Variants in CEP152 observed in about 807,000 individuals in gnomAD.
CEP152 encodes centrosomal protein of 152 kDa.
In CEP152, 132 loss-of-function variants were observed where a neutral mutation model predicts 188.9. The ratio of observed to expected loss-of-function variants is 0.70; its 90% CI spans 0.61 to 0.81. The LOEUF is 0.81. Ranked by LOEUF, CEP152 falls within the 30% of genes least tolerant of loss-of-function variation. CEP152 has a pLI of 0.00. For missense variants in CEP152, 1,914 were observed against 1,969.8 expected, an observed-to-expected ratio of 0.97 and a Z score of 0.54; for synonymous variants, 649 against 666.6, an observed-to-expected ratio of 0.97 and a Z score of 0.41.
At chr15:48,800,929 C>T (rs1012987187) in intron 2 of CEP152, among the ~76,000 whole-genome samples, 2 of 152,248 alleles carry the variant, frequency 1.3e-5, no homozygotes, top group South Asian at 2.1e-4. Flanking sequence ...GTAGAACATA[C>T]AAAAGCCTAC....
At position 48,793,413 on chromosome 15, in the gene CEP152, G is replaced by A; in HGVS notation, c.740C>T (p.Ala247Val). ...TAAGTTCTCCAGTTGTCTCTCTTTT[G>A]CTTTGTTAAGAACCTGAAGTTGAAT... is the stretch of plus-strand genomic sequence containing the variant. ...QIIQLQVLNK[A>V]KERQLENLIE... The change falls in exon 7 of 27, where the codon GCA becomes GTA. Residue 247 changes from alanine (A) to valine (V), a missense_variant. Transcript: ENST00000380950. The A allele has an allele frequency of 2.5e-6, 4 of 1,613,790 alleles. No homozygotes were observed. Among genetic ancestry groups the A allele is most frequent in the Non-Finnish European group, 3.4e-6 (4 of 1,179,864 alleles).
chr15:48,741,910 T>C (rs769642330), intron 25 of CEP152, 37 bp downstream of exon 25: 4 of 1,614,076 alleles, frequency 2.5e-6, no homozygotes, highest in African/African-American at 2.7e-5. Flanking sequence ...CATGTTGTCC[T>C]GGTAATCTCA....
chr15:48,730,795 A>G (rs1446328328), intron 2 of CEP152, among the ~76,000 whole-genome samples: 1 of 152,246 alleles, frequency 6.6e-6, no homozygotes, highest in African/African-American at 2.4e-5. Flanking sequence ...GGCACACACC[A>G]TAGAGGATTT....
At chr15:48,753,076 T>C (rs1417143404) in intron 20 of CEP152, among the ~76,000 whole-genome samples, 2 of 152,210 alleles carry the variant, frequency 1.3e-5, no homozygotes, top group Admixed American at 6.5e-5. Context: ...CTAATATTTA[T>C]TGAACGTTTT....
Position 48,742,015 on chromosome 15 carries a change from G to A in CEP152, c.3921C>T (p.Thr1307=), listed in dbSNP as rs777663214. The A allele has an allele frequency of 4.2e-5, 67 of 1,613,934 alleles. No individual in the cohort carries two copies. In the Middle Eastern group the frequency reaches 8.2e-4, roughly 20 times the overall value. The part of the protein sequence containing the change: ...KAEVLRERQE[T]ARKMRKYYLI... Reference sequence around the variant, plus strand: ...AATAATATTTGCGCATCTTTCGGGCGGTTTCTTGACGTTCTCGCAGTACCT... The same window carrying A: ...AATAATATTTGCGCATCTTTCGGGCAGTTTCTTGACGTTCTCGCAGTACCT... Residue 1307 remains threonine (T), a synonymous_variant, in exon 25 of 27, where the codon ACC becomes ACT. Coordinates refer to ENST00000380950, the MANE Select transcript of CEP152 (RefSeq NM_001194998.2).
At position 48,748,570 on chromosome 15, in the gene CEP152, T is replaced by G; in HGVS notation, c.3507A>C (p.Gly1169=). 2 of 1,529,410 alleles carry G rather than the reference T, an allele frequency of 1.3e-6. No individual in the cohort carries two copies. Among genetic ancestry groups the G allele is most frequent in the Non-Finnish European group, 8.7e-7 (1 of 1,144,094 alleles). 94.7% of individuals were successfully genotyped at this position (1,529,410 alleles called of 1,614,324 possible). A position where few individuals can be genotyped will look rare whatever the true frequency, so the allele number is the denominator to read the frequency against. ...CCTTTTCAAGTTCTTGGAAGCAGTG[T>G]CCACAGCATAAATCCTTAATTTCAA... The part of the protein sequence containing the change: ...KVLEIKDLCC[G]HCFQELEKAK... The change falls in exon 22 of 27, where the codon GGA becomes GGC. Residue 1169 remains glycine, a synonymous_variant. Transcript: ENST00000380950.
At chr15:48,740,879 A>G (rs1483970285) in intron 26 of CEP152, 1 of 236,860 alleles carries the variant, frequency 4.2e-6, no homozygotes, top group Admixed American at 6.5e-5. Context: ...GGGGAGAAGA[A>G]GAAATAAAGA....
rs1012264544 is a variant in CEP152, at chr15:48,765,779, G to A, written c.2280+1281C>T. The A allele has an allele frequency of 3.0e-5, 10 of 333,752 alleles. No individual in the cohort carries two copies. The Admixed American group carries it at 4.3e-4, about 14-fold the overall frequency. The allele number at this position is 333,752 out of a possible 1,614,324, so 20.7% of individuals were successfully genotyped here. ...CGCCATTCTCCTGCCTCAGCCTCCCGTGTAGCTGGGACTACAGGCGCGCAC... is the reference window on the plus strand; with the variant it reads ...CGCCATTCTCCTGCCTCAGCCTCCCATGTAGCTGGGACTACAGGCGCGCAC... On this transcript the variant is annotated intron_variant, in intron 17 of 26. Coordinates refer to ENST00000380950, the MANE Select transcript of CEP152 (RefSeq NM_001194998.2).
At chr15:48,791,663 C>T (rs1012500001) in intron 7 of CEP152, among the ~76,000 whole-genome samples, 2 of 151,868 alleles carry the variant, frequency 1.3e-5, no homozygotes, top group Non-Finnish European at 2.9e-5. Context: ...ATTACAGGCA[C>T]CTGCCACCAC....
At chr15:48,794,594 A>T (rs536880710) in intron 6 of CEP152, among the ~76,000 whole-genome samples, 1 of 152,350 alleles carries the variant, frequency 6.6e-6, no homozygotes, top group East Asian at 1.9e-4. Context: ...TAACTTCCAA[A>T]TGTCAAATTT....
At chr15:48,733,163 G>A (rs541500181), downstream of CEP152, among the ~76,000 whole-genome samples, 1 of 152,234 alleles carries the variant, frequency 6.6e-6, no homozygotes, top group East Asian at 1.9e-4. Flanking sequence ...GGTAACTATA[G>A]TTAACAATAA....
At position 48,756,314 on chromosome 15, in the gene CEP152, A is replaced by G; in HGVS notation, c.2934T>C (p.Asp978=). Residue 978 remains aspartate (D), a synonymous_variant, in exon 20 of 27, where the codon GAT becomes GAC. Coordinates refer to ENST00000380950, the MANE Select transcript of CEP152 (RefSeq NM_001194998.2). ...IHRIQEQNEQ[D]YRQFLDDHRN... ...GGTGATCATCTAAAAATTGCCGGTAATCTTGCTCATTTTGTTCTTGGATTC... is the reference window on the plus strand; with the variant it reads ...GGTGATCATCTAAAAATTGCCGGTAGTCTTGCTCATTTTGTTCTTGGATTC... The G allele has an allele frequency of 6.3e-7, 1 of 1,575,500 alleles. No homozygotes were observed. Among genetic ancestry groups the G allele is most frequent in the Non-Finnish European group, 8.6e-7 (1 of 1,164,068 alleles).
Position 48,767,056 on chromosome 15 carries a change from G to A in CEP152, c.2280+4C>T. 1 of 1,612,394 alleles carries A rather than the reference G, an allele frequency of 6.2e-7. No homozygotes were observed. Among genetic ancestry groups the A allele is most frequent in the Non-Finnish European group, 8.5e-7 (1 of 1,179,968 alleles). ...TGTCGATACAACATAAACTTGTACT[G>A]TACCTTCTCCTGAGTCTGTTGCTCC... On this transcript the variant is annotated splice_donor_region_variant and intron_variant, in intron 17 of 26. Transcript: ENST00000380950.
At chr15:48,762,824 T>C (rs1894788316) in intron 17 of CEP152, 152 bp from the exon 18 acceptor site, 1 of 752,738 alleles carries the variant, frequency 1.3e-6, no homozygotes, top group Admixed American at 2.8e-5. Flanking sequence ...ATTTAGTCAA[T>C]TAAAATACAC....
At chr15:48,789,177 A>C (rs1009735437) in intron 8 of CEP152, 176 bp from the exon 9 acceptor site, 1 of 643,032 alleles carries the variant, frequency 1.6e-6, no homozygotes, top group Non-Finnish European at 2.7e-6. Context: ...CCTAGCTGGG[A>C]CCCTCCAGGC....
chr15:48,769,334 G>T (rs1895366222), intron 13 of CEP152, among the ~76,000 whole-genome samples: 1 of 152,152 alleles, frequency 6.6e-6, no homozygotes, highest in South Asian at 2.1e-4. Context: ...TCTGGTCCAA[G>T]ATCAAATCCA....
intron 8 of CEP152, among the ~76,000 whole-genome samples, chr15:48,789,844 C>G (rs1386350712): frequency 6.6e-6 from 1 of 152,176 alleles, no homozygotes. Context: ...TGTTGACACC[C>G]TGATTTTAGC....
chr15:48,784,391 C>T (rs1165849152), intron 9 of CEP152, among the ~76,000 whole-genome samples: 1 of 152,112 alleles, frequency 6.6e-6, no homozygotes, highest in Non-Finnish European at 1.5e-5. Flanking sequence ...ATTCACAAGA[C>T]AATGAGTTAT....
At position 48,767,448 on chromosome 15, in the gene CEP152, A is replaced by T; in HGVS notation, c.2034T>A (p.Tyr678Ter). ...QEAVDRCERT[Y>*]QQHHEAMKTQ... ...TTTTCATGGCTTCATGGTGCTGCTG[A>T]TAAGTCCTTTCACACCTGGAAACAG... The change falls in exon 16 of 27, where the codon TAT becomes TAA. Residue 678 changes from tyrosine (Y) to a stop codon, truncating the protein, a stop_gained. Transcript: ENST00000380950. LOFTEE classifies it high-confidence loss of function. The T allele has an allele frequency of 1.2e-6, 2 of 1,614,094 alleles. No individual in the cohort carries two copies. The highest frequency in any genetic ancestry group is 1.7e-6 in the Non-Finnish European group (2 of 1,179,972).
Sources: allele counts gnomAD v4.1 joint callset (sites outside exome capture counted in the v4.1 genomes callset), GRCh38; gene constraint gnomAD v4.1.1; transcripts MANE v1.5; gene names NCBI Gene and HGNC (gene_info 2026-07-23, HGNC 2026-07-21).